DOCK1: variants seen among roughly 807,000 people sequenced by gnomAD.
DOCK1 encodes dedicator of cytokinesis 1.
A neutral mutation model predicts 262.7 loss-of-function variants in DOCK1; 138 were observed. That is an observed-to-expected ratio of 0.53 (90% CI 0.46 to 0.61). The LOEUF is 0.61. Among genes scored for constraint, DOCK1 ranks in the 20% least tolerant of loss-of-function variants. The probability of loss-of-function intolerance (pLI) is 0.00; values close to 1 mark genes in which losing one functional copy is unlikely to be tolerated. For synonymous variants in DOCK1, 866 were observed against 867.4 expected, an observed-to-expected ratio of 1.00 and a Z score of 0.03; for missense variants, 1,908 against 2,370.7, an observed-to-expected ratio of 0.80 and a Z score of 4.05.
intron 43 of DOCK1, among the ~76,000 whole-genome samples, chr10:127,414,351 C>T (rs79105214): frequency 2.0e-5 from 3 of 152,142 alleles, no homozygotes; most frequent in African/African-American, 7.2e-5. Context: ...ACAGTACGAA[C>T]GAGGCAGTAG....
intron 40 of DOCK1, among the ~76,000 whole-genome samples, 161 bp downstream of exon 40, chr10:127,404,590 A>G (rs2067409483): frequency 6.6e-6 from 1 of 152,160 alleles, no homozygotes; most frequent in Non-Finnish European, 1.5e-5. Context: ...AGAGGGGTTG[A>G]CAGGATTTTA....
chr10:126,981,830 C>T (rs2134849251), intron 3 of DOCK1, 88 bp from the exon 4 acceptor site: 8 of 1,371,604 alleles, frequency 5.8e-6, no homozygotes, highest in East Asian at 2.4e-5. Context: ...AGCCACCCCT[C>T]ACCCCACCTT....
intron 27 of DOCK1, among the ~76,000 whole-genome samples, chr10:127,238,559 C>T (rs531474306): frequency 1.3e-5 from 2 of 152,300 alleles, no homozygotes; most frequent in African/African-American, 2.4e-5. Context: ...AACCCTGCCA[C>T]GTCGCCTATA....
intron 2 of DOCK1, among the ~76,000 whole-genome samples, chr10:126,976,361 G>A (rs1052816968): frequency 6.6e-6 from 1 of 152,246 alleles, no homozygotes; most frequent in East Asian, 1.9e-4. Context: ...ATCATAACTG[G>A]GTCTTAGCAA....
chr10:127,413,613 G>A (rs1341414574), intron 43 of DOCK1, among the ~76,000 whole-genome samples: 1 of 152,204 alleles, frequency 6.6e-6, no homozygotes, highest in Non-Finnish European at 1.5e-5. Context: ...ATGAGACAGG[G>A]CCTGCGTGAG....
chr10:127,039,162 A>G (rs533745578), intron 19 of DOCK1, among the ~76,000 whole-genome samples: 2 of 152,102 alleles, frequency 1.3e-5, no homozygotes, highest in Non-Finnish European at 2.9e-5. Context: ...TCAGACATAT[A>G]CTCACTAATC....
chr10:127,135,304 T>C (rs2050593278), intron 27 of DOCK1: 1 of 152,230 alleles, frequency 6.6e-6, no homozygotes, highest in Admixed American at 6.5e-5. Flanking sequence ...ACGATGCTCT[T>C]GTCTTCTGCA....
chr10:126,927,090 C>T (rs1240309941), intron 1 of DOCK1, among the ~76,000 whole-genome samples: 1 of 152,190 alleles, frequency 6.6e-6, no homozygotes, highest in Non-Finnish European at 1.5e-5. Flanking sequence ...CTTGTCTTAT[C>T]TCCAGTCATT....
At chr10:127,024,538 C>A in intron 14 of DOCK1, 147 bp from the exon 15 acceptor site, 1 of 645,536 alleles carries the variant, frequency 1.5e-6, no homozygotes, top group Non-Finnish European at 2.6e-6. Flanking sequence ...TGGATCTGTG[C>A]TTCCCTTGCT....
At chr10:127,113,872 C>T (rs992572202) in intron 25 of DOCK1, among the ~76,000 whole-genome samples, 1 of 152,194 alleles carries the variant, frequency 6.6e-6, no homozygotes, top group Non-Finnish European at 1.5e-5. Context: ...CCACACTCTG[C>T]AGGATGGACA....
intron 1 of DOCK1, among the ~76,000 whole-genome samples, chr10:126,937,487 T>A (rs1279133090): frequency 1.3e-5 from 2 of 151,356 alleles, no homozygotes; most frequent in Non-Finnish European, 2.9e-5. Context: ...TCCACACTTG[T>A]TTTTCTCCAA....
chr10:127,178,119 T>C (rs866702548), intron 27 of DOCK1, among the ~76,000 whole-genome samples: 1 of 152,158 alleles, frequency 6.6e-6, no homozygotes, highest in Non-Finnish European at 1.5e-5. Flanking sequence ...ACAGCCACCA[T>C]CTAAAAGTAA....
intron 1 of DOCK1, among the ~76,000 whole-genome samples, chr10:126,963,907 AT>A (rs2037472618): frequency 6.6e-6 from 1 of 152,018 alleles, no homozygotes; most frequent in Admixed American, 6.6e-5. Context: ...CAGTGGAAGG[AT>A]TTTACTACAG....
intron 1 of DOCK1, among the ~76,000 whole-genome samples, chr10:126,964,975 T>A (rs2037551310): frequency 6.6e-6 from 1 of 152,252 alleles, no homozygotes; most frequent in African/African-American, 2.4e-5. Flanking sequence ...TCTGGTTAAA[T>A]TCAGTGCATT....
chr10:127,068,081 A>G (rs2045981578), intron 23 of DOCK1, among the ~76,000 whole-genome samples: 1 of 152,180 alleles, frequency 6.6e-6, no homozygotes, highest in Non-Finnish European at 1.5e-5. Context: ...GAAATAAGCT[A>G]TTCTGTAATC....
intron 29 of DOCK1, among the ~76,000 whole-genome samples, chr10:127,299,548 T>A (rs541208846): frequency 6.6e-6 from 1 of 152,262 alleles, no homozygotes; most frequent in Non-Finnish European, 1.5e-5. Context: ...CACCAGAAAC[T>A]AAGAGGAAGG....
chr10:127,341,835 T>G (rs111600565), intron 30 of DOCK1, among the ~76,000 whole-genome samples: 132 of 152,302 alleles, frequency 8.7e-4, no homozygotes, highest in Non-Finnish European at 1.5e-3. Flanking sequence ...TGAGGAGGGT[T>G]TAGCAGGAAT....
At chr10:127,153,532 T>C (rs2052716705) in intron 27 of DOCK1, among the ~76,000 whole-genome samples, 1 of 152,228 alleles carries the variant, frequency 6.6e-6, no homozygotes, top group African/African-American at 2.4e-5. Flanking sequence ...GAAGGGCCTA[T>C]GTTTTACAGC....
chr10:127,030,440 G>A (rs2043161057), intron 16 of DOCK1, among the ~76,000 whole-genome samples: 1 of 152,276 alleles, frequency 6.6e-6, no homozygotes, highest in Middle Eastern at 3.4e-3. Context: ...GTCCTCGTGA[G>A]GGCCTCTGCG....
Sources: allele counts gnomAD v4.1 joint callset (sites outside exome capture counted in the v4.1 genomes callset), GRCh38; gene constraint gnomAD v4.1.1; transcripts MANE v1.5; gene names NCBI Gene and HGNC (gene_info 2026-07-23, HGNC 2026-07-21).